ENTREP2: variants seen among roughly 807,000 people sequenced by gnomAD.
ENTREP2 encodes protein ENTREP2.
the ENTREP2 span, among the ~76,000 whole-genome samples, chr15:29,118,779 G>A: frequency 6.8e-6 from 1 of 146,792 alleles, no homozygotes; most frequent in Non-Finnish European, 1.5e-5. Flanking sequence ...TGTCTAGAGT[G>A]ACAATTCTGG....
At chr15:29,333,551 T>C in the ENTREP2 span, among the ~76,000 whole-genome samples, 5 of 152,182 alleles carry the variant, frequency 3.3e-5, no homozygotes, top group Admixed American at 3.3e-4. Context: ...GGCAGCGAGC[T>C]ACACACAGAC....
At chr15:29,575,453 G>A in the ENTREP2 span, among the ~76,000 whole-genome samples, 11 of 152,276 alleles carry the variant, frequency 7.2e-5, no homozygotes, top group South Asian at 1.2e-3. Flanking sequence ...AATTTGACAT[G>A]TGGTGAATGT....
At chr15:29,434,817 A>T in the ENTREP2 span, among the ~76,000 whole-genome samples, 1 of 152,144 alleles carries the variant, frequency 6.6e-6, no homozygotes, top group Admixed American at 6.6e-5. Flanking sequence ...GACGGTGAAA[A>T]AAGTCTTGTG....
chr15:29,122,953 TG>T, the ENTREP2 span: 2 of 169,880 alleles, frequency 1.2e-5, no homozygotes, highest in Non-Finnish European at 2.5e-5. Context: ...ACTCCTGCTT[TG>T]GAAGGCCCTG....
At chr15:29,155,142 C>G in the ENTREP2 span, among the ~76,000 whole-genome samples, 1 of 151,486 alleles carries the variant, frequency 6.6e-6, no homozygotes, top group African/African-American at 2.4e-5. Flanking sequence ...ATTAGTCGGG[C>G]GTGGTGGCCG....
At chr15:29,123,422 C>T in the ENTREP2 span, 2 of 1,551,444 alleles carry the variant, frequency 1.3e-6, no homozygotes, top group South Asian at 1.2e-5. Context: ...CGCATGGCAC[C>T]CACCATGTGC....
chr15:29,491,538 G>A, the ENTREP2 span, among the ~76,000 whole-genome samples: 1 of 152,154 alleles, frequency 6.6e-6, no homozygotes. Context: ...GGGTCCCTAG[G>A]TTTCATATTG....
the ENTREP2 span, among the ~76,000 whole-genome samples, chr15:29,373,411 C>A: frequency 6.6e-6 from 1 of 152,104 alleles, no homozygotes; most frequent in East Asian, 1.9e-4. Context: ...GATAGGGGAG[C>A]AAAAAGAAAT....
the ENTREP2 span, among the ~76,000 whole-genome samples, chr15:29,490,905 A>T: frequency 6.6e-6 from 1 of 152,148 alleles, no homozygotes; most frequent in Non-Finnish European, 1.5e-5. Flanking sequence ...ATGGGACTGG[A>T]CGCCTATGGA....
chr15:29,371,175 G>C, the ENTREP2 span, among the ~76,000 whole-genome samples: 10 of 152,012 alleles, frequency 6.6e-5, no homozygotes, highest in Middle Eastern at 3.2e-3. Context: ...AATAAGCTCA[G>C]CTCTTCCCTC....
At chr15:29,410,285 T>G in the ENTREP2 span, among the ~76,000 whole-genome samples, 2 of 152,196 alleles carry the variant, frequency 1.3e-5, no homozygotes, top group Non-Finnish European at 2.9e-5. Flanking sequence ...TTGCTTGTTT[T>G]TGCACTTTAC....
chr15:29,615,011 C>T, the ENTREP2 span, among the ~76,000 whole-genome samples: 1 of 152,102 alleles, frequency 6.6e-6, no homozygotes, highest in Non-Finnish European at 1.5e-5. Context: ...CCATAATTCC[C>T]AGGTATTTCT....
At chr15:29,215,348 G>A in the ENTREP2 span, among the ~76,000 whole-genome samples, 4 of 148,888 alleles carry the variant, frequency 2.7e-5, no homozygotes, top group Non-Finnish European at 5.9e-5. Context: ...CTAATCAGCT[G>A]CTAGTGCAGA....
At chr15:29,290,886 G>A in the ENTREP2 span, among the ~76,000 whole-genome samples, 8 of 152,188 alleles carry the variant, frequency 5.3e-5, no homozygotes, top group Admixed American at 6.5e-5. Context: ...ATGGAGATGC[G>A]GCCTCATCTC....
chr15:29,494,314 C>T, the ENTREP2 span, among the ~76,000 whole-genome samples: 2 of 151,918 alleles, frequency 1.3e-5, no homozygotes, highest in Non-Finnish European at 2.9e-5. Context: ...AACTAAGACA[C>T]AAGAACTTTA....
At chr15:29,413,085 T>C in the ENTREP2 span, among the ~76,000 whole-genome samples, 1 of 152,166 alleles carries the variant, frequency 6.6e-6, no homozygotes, top group Non-Finnish European at 1.5e-5. Flanking sequence ...TTTATCCTTT[T>C]GTTATTTATT....
chr15:29,657,997 G>C, the ENTREP2 span, among the ~76,000 whole-genome samples: 2 of 152,162 alleles, frequency 1.3e-5, no homozygotes, highest in African/African-American at 4.8e-5. Context: ...AGATTCTAAA[G>C]GCCATATGAT....
the ENTREP2 span, among the ~76,000 whole-genome samples, chr15:29,549,086 C>A: frequency 6.6e-5 from 10 of 152,114 alleles, no homozygotes; most frequent in African/African-American, 2.2e-4. Context: ...GAACACTGAG[C>A]CATTAACCAT....
the ENTREP2 span, among the ~76,000 whole-genome samples, chr15:29,627,591 A>G: frequency 1.1e-3 from 172 of 151,382 alleles, no homozygotes; most frequent in African/African-American, 4.0e-3. Flanking sequence ...ATCCATCTCC[A>G]GAATTTTTTT....
Sources: gnomAD v4.1 joint callset for allele counts (sites outside exome capture counted in the v4.1 genomes callset) on GRCh38, gnomAD v4.1.1 for gene constraint, MANE v1.5 for transcripts, NCBI Gene and HGNC (gene_info 2026-07-23, HGNC 2026-07-21) for gene names.